The following KANSL1 variants were observed in gnomAD, a reference collection of about 807,000 sequenced individuals.
The protein encoded by KANSL1 is MLL1/MLL complex subunit KANSL1.
A neutral mutation model predicts 103.6 loss-of-function variants in KANSL1; 22 were observed. The observed-to-expected ratio is 0.21, with a 90% CI of 0.15 to 0.30. KANSL1 has a LOEUF of 0.30. Ranked by LOEUF, KANSL1 falls within the 10% of genes least tolerant of loss-of-function variation. The probability of loss-of-function intolerance (pLI) is 1.00; values close to 1 mark genes in which losing one functional copy is unlikely to be tolerated. For synonymous variants in KANSL1, 600 were observed against 527.6 expected, an observed-to-expected ratio of 1.14 and a Z score of -1.88; for missense variants, 1,337 against 1,399.8, an observed-to-expected ratio of 0.96 and a Z score of 0.72.
intron 2 of KANSL1, among the ~76,000 whole-genome samples, chr17:46,146,062 C>A (rs1159361051): frequency 6.6e-6 from 1 of 152,188 alleles, no homozygotes; most frequent in Admixed American, 6.5e-5. Flanking sequence ...TTTACTCATT[C>A]TTTTGTTCTC....
chr17:46,131,422 T>C (rs1417894768), intron 2 of KANSL1, among the ~76,000 whole-genome samples: 1 of 152,226 alleles, frequency 6.6e-6, no homozygotes, highest in Non-Finnish European at 1.5e-5. Context: ...TAAAATTACA[T>C]TTGTCATACC....
intron 1 of KANSL1, among the ~76,000 whole-genome samples, chr17:46,174,606 G>A (rs2696666): frequency 0.14 from 21,962 of 152,238 alleles, 2,136 homozygotes; most frequent in Non-Finnish European, 0.22. Flanking sequence ...CCCAGTGAAC[G>A]ATAAAATGTC....
chr17:46,082,633 T>TACTA (rs1444818976), intron 3 of KANSL1, 91 bp from the exon 4 acceptor site: 2 of 643,066 alleles, frequency 3.1e-6, no homozygotes, highest in Non-Finnish European at 5.3e-6. Flanking sequence ...ACTGTTGGTG[T>TACTA]ACTAGAGGCC....
rs1204284627 is a variant in KANSL1, at chr17:46,171,011, T to C, written c.1133A>G (p.Glu378Gly). 1 of 1,614,200 alleles carries C rather than the reference T, an allele frequency of 6.2e-7. No homozygotes were observed. The highest frequency in any genetic ancestry group is 1.1e-5 in the South Asian group (1 of 91,086). ...SNFLKSNSIS[E>G]ELERFTASGI... ...ACTAGCTGTAAATCTCTCCAATTCT[T>C]CTGAAATTGAATTGCTTTTCAGAAA... Residue 378 changes from glutamate (E) to glycine (G), a missense_variant, in exon 2 of 15, where the codon GAA becomes GGA. By Grantham distance (98) the Glu-to-Gly change is moderately conservative. Transcript: ENST00000432791.
rs184340817 is a variant in KANSL1 at position 46,085,844 on chromosome 17, T to C, written c.1432-3302A>G. On this transcript the variant is annotated intron_variant, in intron 3 of 14. Transcript: ENST00000432791. ...ACTTTCACCATGTTGCCAAGGCTCGTCTCAAACTCCTAGACTCAAGCAATC... is the reference window on the plus strand; with the variant it reads ...ACTTTCACCATGTTGCCAAGGCTCGCCTCAAACTCCTAGACTCAAGCAATC... 2.0e-5 allele frequency among the ~76,000 whole-genome samples: 3 copies of C among 152,260 alleles called. No homozygotes were observed. The East Asian group carries it at 5.8e-4, about 29-fold the overall frequency.
intron 6 of KANSL1, among the ~76,000 whole-genome samples, chr17:46,056,008 TA>T (rs2077913689): frequency 1.3e-5 from 2 of 152,368 alleles, no homozygotes; most frequent in Middle Eastern, 3.4e-3. Context: ...CATTTTATTT[TA>T]TTTTTTTGAT....
intron 1 of KANSL1, among the ~76,000 whole-genome samples, chr17:46,184,564 T>A (rs2046930741): frequency 6.6e-6 from 1 of 152,220 alleles, no homozygotes; most frequent in South Asian, 2.1e-4. Context: ...GTCCCCTTTT[T>A]ACATTAGACC....
At chr17:46,041,864 A>G (rs1346111526) in intron 7 of KANSL1, 1 of 146,380 alleles carries the variant, frequency 6.8e-6, no homozygotes, top group East Asian at 2.0e-4. Flanking sequence ...TTCTAGAACT[A>G]TTAGAAATTT....
intron 7 of KANSL1, chr17:46,042,680 G>T (rs956958750): frequency 7.9e-5 from 12 of 151,642 alleles, no homozygotes; most frequent in Admixed American, 6.6e-4. Flanking sequence ...AAGAAATTTA[G>T]CCACTCCTGC....
intron 2 of KANSL1, among the ~76,000 whole-genome samples, chr17:46,120,623 A>G (rs944436969): frequency 3.3e-5 from 5 of 152,212 alleles, no homozygotes; most frequent in Non-Finnish European, 7.3e-5. Context: ...AATTTTTTAA[A>G]TTAATAGACT....
intron 2 of KANSL1, among the ~76,000 whole-genome samples, chr17:46,122,605 G>A (rs978712618): frequency 5.9e-5 from 9 of 152,160 alleles, no homozygotes; most frequent in African/African-American, 1.7e-4. Flanking sequence ...GCACTTTGCA[G>A]ATGCTGTTTT....
chr17:46,157,114 C>T (rs191675372), intron 2 of KANSL1, among the ~76,000 whole-genome samples: 51 of 152,320 alleles, frequency 3.3e-4, no homozygotes, highest in Admixed American at 2.2e-3. Context: ...TTTCTCTGCT[C>T]GGAAAATTCT....
At chr17:46,070,789 T>C (rs1046525260) in intron 4 of KANSL1, among the ~76,000 whole-genome samples, 5 of 152,080 alleles carry the variant, frequency 3.3e-5, no homozygotes, top group Admixed American at 1.3e-4. Context: ...ATATGGTATA[T>C]ATAATTTATA....
At chr17:46,205,372 C>CCG (rs2047929569) in intron 1 of KANSL1, among the ~76,000 whole-genome samples, 1 of 113,530 alleles carries the variant, frequency 8.8e-6, no homozygotes, top group Non-Finnish European at 2.4e-5. Flanking sequence ...ACAATAGCAT[C>CCG]CCCCCGCCAA....
At chr17:46,193,681 G>A, upstream of KANSL1, 2 of 302,998 alleles carry the variant, frequency 6.6e-6, no homozygotes, top group South Asian at 2.3e-5. Context: ...TGCCCCGGAC[G>A]TGCGGCGACG....
intron 1 of KANSL1, among the ~76,000 whole-genome samples, chr17:46,201,707 G>GA (rs371243828): frequency 0.16 from 21,652 of 136,902 alleles, 2,128 homozygotes; most frequent in Middle Eastern, 0.23. Context: ...CCCTATCTCT[G>GA]AAAAAAAAAA....
chr17:46,048,686 T>C (rs1290072484), intron 7 of KANSL1, among the ~76,000 whole-genome samples: 1 of 152,222 alleles, frequency 6.6e-6, no homozygotes, highest in African/African-American at 2.4e-5. Context: ...CAATCCAGAT[T>C]ATGAAAGCGC....
At position 46,034,199 on chromosome 17, in the gene KANSL1, G is replaced by A. The variant is rs149756887; in HGVS notation, c.2628C>T (p.Arg876=). The A allele has an allele frequency of 1.1e-3, 1,798 of 1,614,130 alleles. 1 individual carries two copies. Among genetic ancestry groups the A allele is most frequent in the Non-Finnish European group, 1.4e-3 (1,629 of 1,179,980 alleles). ...VIPMSVAATT[R]VEKLQYKEIL... Reference sequence around the variant, plus strand: ...TTTCCTTGTATTGCAGTTTCTCTACGCGAGTTGTTGCAGCAACAGACATTG... The same window carrying A: ...TTTCCTTGTATTGCAGTTTCTCTACACGAGTTGTTGCAGCAACAGACATTG... The change falls in exon 11 of 15, where the codon CGC becomes CGT. Residue 876 remains arginine (R), a synonymous_variant. Transcript: ENST00000432791.
chr17:46,178,772 A>G (rs2046646652), intron 1 of KANSL1, among the ~76,000 whole-genome samples: 1 of 152,236 alleles, frequency 6.6e-6, no homozygotes, highest in Non-Finnish European at 1.5e-5. Flanking sequence ...GCAAATGTTT[A>G]CCTTTACCAA....
Sources: gnomAD v4.1 joint callset for allele counts (sites outside exome capture counted in the v4.1 genomes callset) on GRCh38, gnomAD v4.1.1 for gene constraint, MANE v1.5 for transcripts, NCBI Gene and HGNC (gene_info 2026-07-23, HGNC 2026-07-21) for gene names.